IPCEF1: variants seen among roughly 807,000 people sequenced by gnomAD.
IPCEF1 encodes interaction protein for cytohesin exchange factors 1.
In IPCEF1, 31 loss-of-function variants were observed where a neutral mutation model predicts 50.9. That is an observed-to-expected ratio of 0.61 (90% CI 0.46 to 0.82). The LOEUF is 0.82. Ranked by LOEUF, IPCEF1 falls within the 40% of genes least tolerant of loss-of-function variation. The pLI is 0.00. For synonymous variants in IPCEF1, 181 were observed against 192.0 expected (o/e 0.94, Z 0.47); for missense variants, 458 against 514.0 (o/e 0.89, Z 1.05).
chr6:154,194,379 A>G (rs1776419075), intron 10 of IPCEF1, among the ~76,000 whole-genome samples: 1 of 151,994 alleles, frequency 6.6e-6, no homozygotes, highest in South Asian at 2.1e-4. Context: ...AGCATGGGCA[A>G]CAAGAGTGAA....
chr6:154,350,711 G>T (rs976966126), intron 1 of IPCEF1, among the ~76,000 whole-genome samples: 1 of 152,000 alleles, frequency 6.6e-6, no homozygotes, highest in Non-Finnish European at 1.5e-5. Context: ...ATACATCAAC[G>T]CAATTGGTTA....
intron 11 of IPCEF1, among the ~76,000 whole-genome samples, chr6:154,167,518 T>C (rs529289024): frequency 1.3e-5 from 2 of 152,194 alleles, no homozygotes; most frequent in Admixed American, 1.3e-4. Context: ...ATGAATCAGA[T>C]GAAAATTCGA....
chr6:154,220,969 T>C (rs940504611), intron 7 of IPCEF1, among the ~76,000 whole-genome samples: 8 of 152,258 alleles, frequency 5.3e-5, no homozygotes, highest in African/African-American at 1.9e-4. Context: ...GCCTCTCTCC[T>C]TGTGATGCTG....
chr6:154,254,541 C>A (rs1173127395), intron 3 of IPCEF1, among the ~76,000 whole-genome samples: 1 of 152,232 alleles, frequency 6.6e-6, no homozygotes, highest in Admixed American at 6.5e-5. Context: ...CCTCAACATG[C>A]AGAGATTACA....
chr6:154,292,127 T>C (rs1196830393), intron 1 of IPCEF1, among the ~76,000 whole-genome samples: 2 of 152,334 alleles, frequency 1.3e-5, no homozygotes, highest in East Asian at 3.9e-4. Context: ...CCAAGGCATG[T>C]CTACGGTCTC....
At chr6:154,224,893 G>A (rs1033651031) in intron 5 of IPCEF1, among the ~76,000 whole-genome samples, 7 of 151,996 alleles carry the variant, frequency 4.6e-5, no homozygotes, top group African/African-American at 1.5e-4. Context: ...GCTGATTCTC[G>A]AAGAGAATAT....
chr6:154,307,179 G>A (rs1782956815), intron 1 of IPCEF1, among the ~76,000 whole-genome samples: 1 of 152,134 alleles, frequency 6.6e-6, no homozygotes, highest in Non-Finnish European at 1.5e-5. Context: ...TCATCTTGTA[G>A]CTCCCATAAT....
intron 10 of IPCEF1, among the ~76,000 whole-genome samples, chr6:154,181,940 A>T (rs1481578417): frequency 1.3e-5 from 2 of 152,212 alleles, no homozygotes; most frequent in Non-Finnish European, 1.5e-5. Context: ...AGAAGATGAG[A>T]ACGTCAAGTT....
chr6:154,294,889 T>C (rs531668491), intron 1 of IPCEF1, among the ~76,000 whole-genome samples: 12 of 151,934 alleles, frequency 7.9e-5, no homozygotes, highest in South Asian at 2.1e-4. Flanking sequence ...AAATAAAATA[T>C]AAAAATTATT....
chr6:154,292,433 T>C (rs549753186), intron 1 of IPCEF1, among the ~76,000 whole-genome samples: 3 of 152,346 alleles, frequency 2.0e-5, no homozygotes, highest in African/African-American at 7.2e-5. Flanking sequence ...TTTATGAAAT[T>C]TGCGCTACAA....
chr6:154,237,771 G>A (rs1780249480), intron 5 of IPCEF1, among the ~76,000 whole-genome samples: 1 of 152,008 alleles, frequency 6.6e-6, no homozygotes, highest in Admixed American at 6.6e-5. Context: ...CTTCAAGAAT[G>A]ATGAAATTAT....
At chr6:154,170,985 C>T (rs62434769) in intron 10 of IPCEF1, among the ~76,000 whole-genome samples, 36 of 152,194 alleles carry the variant, frequency 2.4e-4, no homozygotes, top group Admixed American at 6.5e-4. Flanking sequence ...ATTCTCCTGC[C>T]TCAGCCTCTC....
intron 1 of IPCEF1, among the ~76,000 whole-genome samples, chr6:154,312,214 C>T (rs959153908): frequency 7.9e-5 from 12 of 152,100 alleles, no homozygotes; most frequent in African/African-American, 2.7e-4. Flanking sequence ...AAGCCAGTCA[C>T]AAAAAGATAA....
chr6:154,225,529 T>A (rs1197209108), intron 5 of IPCEF1, among the ~76,000 whole-genome samples: 1 of 152,180 alleles, frequency 6.6e-6, no homozygotes, highest in African/African-American at 2.4e-5. Flanking sequence ...ATATGAAATA[T>A]CCAGAAGTGG....
intron 2 of IPCEF1, among the ~76,000 whole-genome samples, chr6:154,282,820 T>A (rs2128665006): frequency 1.3e-5 from 2 of 152,282 alleles, no homozygotes; most frequent in South Asian, 4.1e-4. Flanking sequence ...GATTTGTCCC[T>A]TTTTTCTGGG....
rs772751939 is a variant in IPCEF1 at position 154,159,849 on chromosome 6, G to A, written c.1296C>T (p.Pro432=). Residue 432 remains proline, a synonymous_variant, in exon 12 of 12, where the codon CCC becomes CCT. Coordinates refer to ENST00000367220, the MANE Select transcript of IPCEF1 (RefSeq NM_001130700.2). ...TGTCTCAAATGGAATTTTCAACAGAGGGAGAAGAAGGTGATTTCTTGAGTT... is the reference window on the plus strand; with the variant it reads ...TGTCTCAAATGGAATTTTCAACAGAAGGAGAAGAAGGTGATTTCTTGAGTT... ...PQELKKSPSS[P]SVENSI 2.2e-5 allele frequency: 35 copies of A among 1,611,070 alleles called. No individual in the cohort carries two copies. Among genetic ancestry groups the A allele is most frequent in the Non-Finnish European group, 2.8e-5 (33 of 1,179,314 alleles).
chr6:154,189,606 A>G (rs1034603266), intron 10 of IPCEF1, among the ~76,000 whole-genome samples: 5 of 152,258 alleles, frequency 3.3e-5, no homozygotes, highest in African/African-American at 1.2e-4. Context: ...ATAAATGCTT[A>G]AAGTGATGGA....
intron 2 of IPCEF1, among the ~76,000 whole-genome samples, chr6:154,273,742 T>A: frequency 1.5e-5 from 1 of 66,292 alleles, no homozygotes; most frequent in Non-Finnish European, 2.9e-5. Context: ...TTTTTTTTTT[T>A]TTTTTTTTTT....
chr6:154,344,256 C>G (rs1484364583), intron 1 of IPCEF1, among the ~76,000 whole-genome samples: 2 of 152,166 alleles, frequency 1.3e-5, no homozygotes, highest in Non-Finnish European at 2.9e-5. Flanking sequence ...GTGTCCGTGT[C>G]GTTTTATCTA....
Sources: allele counts gnomAD v4.1 joint callset (sites outside exome capture counted in the v4.1 genomes callset), GRCh38; gene constraint gnomAD v4.1.1; transcripts MANE v1.5; gene names NCBI Gene and HGNC (gene_info 2026-07-23, HGNC 2026-07-21).